The following FAM193A variants were observed in gnomAD, a reference collection of about 807,000 sequenced individuals.
FAM193A encodes family with sequence similarity 193 member A, also known as protein FAM193A.
In FAM193A, 22 loss-of-function variants were observed where a neutral mutation model predicts 126.5. The observed-to-expected ratio is 0.17, with a 90% CI of 0.12 to 0.25. FAM193A has a LOEUF of 0.25. Ranked by LOEUF, FAM193A falls within the 10% of genes least tolerant of loss-of-function variation. FAM193A has a pLI of 1.00. For synonymous variants in FAM193A, 761 were observed against 646.8 expected (o/e 1.18, Z -2.68); for missense variants, 1,675 against 1,672.8 (o/e 1.00, Z -0.02).
intron 20 of FAM193A, among the ~76,000 whole-genome samples, chr4:2,726,472 AC>A (rs1720759628): frequency 6.6e-6 from 1 of 152,040 alleles, no homozygotes; most frequent in African/African-American, 2.4e-5. Flanking sequence ...AAAAAGGGAA[AC>A]TGCCTTCTCT....
chr4:2,617,262 A>ATATATATATATAT (rs1553895173), intron 2 of FAM193A, among the ~76,000 whole-genome samples: 1 of 25,076 alleles, frequency 4.0e-5, no homozygotes, highest in Admixed American at 3.4e-4. Context: ...ATATATATAT[A>ATATATATATATAT]TTTTTTTTTT....
At chr4:2,730,402 T>G (rs1442759027) in intron 20 of FAM193A, among the ~76,000 whole-genome samples, 1 of 152,160 alleles carries the variant, frequency 6.6e-6, no homozygotes, top group Non-Finnish European at 1.5e-5. Flanking sequence ...TATAAAAGCT[T>G]CTTGGAGGCC....
intron 6 of FAM193A, 135 bp from the exon 7 acceptor site, chr4:2,646,550 G>A (rs1190337234): frequency 2.3e-6 from 2 of 875,912 alleles, no homozygotes; most frequent in Non-Finnish European, 3.5e-6. Flanking sequence ...CTGCTGTGGT[G>A]CAGAGTGGCA....
At chr4:2,645,057 T>C (rs1745000569) in intron 6 of FAM193A, among the ~76,000 whole-genome samples, 1 of 151,978 alleles carries the variant, frequency 6.6e-6, no homozygotes, top group South Asian at 2.1e-4. Flanking sequence ...TGTGTGTGTG[T>C]GTGTGAATGG....
At chr4:2,652,476 A>G (rs1745764450) in intron 7 of FAM193A, among the ~76,000 whole-genome samples, 1 of 152,226 alleles carries the variant, frequency 6.6e-6, no homozygotes, top group African/African-American at 2.4e-5. Flanking sequence ...CTGTGTAGGA[A>G]GCATGGCTGG....
chr4:2,549,936 C>G (rs1368746991), intron 1 of FAM193A, among the ~76,000 whole-genome samples: 2 of 151,470 alleles, frequency 1.3e-5, no homozygotes, highest in South Asian at 4.2e-4. Context: ...ACCATATTGG[C>G]CAGGCTGATC....
intron 2 of FAM193A, chr4:2,607,821 C>A: frequency 1.8e-6 from 1 of 567,116 alleles, no homozygotes. Context: ...TTCTTATTGA[C>A]TTGTGGGATT....
intron 19 of FAM193A, among the ~76,000 whole-genome samples, chr4:2,715,080 T>C (rs532909884): frequency 2.9e-4 from 44 of 152,234 alleles, no homozygotes; most frequent in Non-Finnish European, 5.1e-4. Context: ...TAATTCTCAA[T>C]CAATGATTTC....
rs777755872 is a variant in FAM193A, at chr4:2,660,105, A to G, written c.1745+51A>G. On this transcript the variant is annotated intron_variant, in intron 10 of 20. Coordinates refer to ENST00000637812, the MANE Select transcript of FAM193A (RefSeq NM_001366318.2). Reference sequence around the variant, plus strand: ...TTCCGAAATTTAAGTCGCCCCAGTAATGAGAAATACATACAGTAATGTCCA... The same window carrying G: ...TTCCGAAATTTAAGTCGCCCCAGTAGTGAGAAATACATACAGTAATGTCCA... 3.8e-6 allele frequency: 6 copies of G among 1,583,644 alleles called. No individual in the cohort carries two copies. In the East Asian group the frequency reaches 1.1e-4, roughly 30 times the overall value.
rs752153023 is a variant in FAM193A, at chr4:2,630,957, C to G, written c.826C>G (p.Gln276Glu). 23 of 1,606,082 alleles carry G rather than the reference C, an allele frequency of 1.4e-5. No individual in the cohort carries two copies. Among genetic ancestry groups the G allele is most frequent in the Non-Finnish European group, 2.0e-5 (23 of 1,173,848 alleles). Reference sequence around the variant, plus strand: ...CAGGCTCTGCGAGAGGGACCCCTACCAGCTGTACCAGCGTCTGGAACAGCA... The same window carrying G: ...CAGGCTCTGCGAGAGGGACCCCTACGAGCTGTACCAGCGTCTGGAACAGCA... ...VDRLCERDPY[Q>E]LYQRLEQQAR... Residue 276 changes from glutamine to glutamate, a missense_variant, in exon 5 of 21, where the codon CAG (glutamine) becomes GAG (glutamate). Coordinates refer to ENST00000637812, the MANE Select transcript of FAM193A (RefSeq NM_001366318.2).
intron 19 of FAM193A, among the ~76,000 whole-genome samples, chr4:2,714,558 C>T (rs141278369): frequency 2.7e-3 from 409 of 152,238 alleles, no homozygotes; most frequent in African/African-American, 7.7e-3. Flanking sequence ...GCTGTGTGCC[C>T]TCAGGGATAC....
At chr4:2,730,514 C>A (rs907228423) in intron 20 of FAM193A, among the ~76,000 whole-genome samples, 1 of 151,938 alleles carries the variant, frequency 6.6e-6, no homozygotes, top group East Asian at 1.9e-4. Flanking sequence ...CATGGTGAAA[C>A]CCCATCTCTA....
chr4:2,610,984 G>A (rs371138992), intron 2 of FAM193A, among the ~76,000 whole-genome samples: 26 of 152,128 alleles, frequency 1.7e-4, no homozygotes, highest in African/African-American at 6.3e-4. Context: ...TGATCCACTC[G>A]CCTCCGCCTC....
chr4:2,540,787 C>T (rs1465700002), intron 1 of FAM193A, among the ~76,000 whole-genome samples: 1 of 151,690 alleles, frequency 6.6e-6, no homozygotes, highest in African/African-American at 2.4e-5. Context: ...GTGATGAAAC[C>T]CCATCTCTAC....
intron 1 of FAM193A, among the ~76,000 whole-genome samples, chr4:2,594,814 C>CCTTTTTTTTTTTTTTTTTTTTTT (rs1740761913): frequency 1.1e-5 from 1 of 91,002 alleles, no homozygotes. Flanking sequence ...TTTTTCTTTT[C>CCTTTTTTTTTTTTTTTTTTTTTT]TTTTCCTTTT....
chr4:2,657,770 CT>C, intron 7 of FAM193A, 32 bp from the exon 8 acceptor site: 6 of 1,489,258 alleles, frequency 4.0e-6, no homozygotes, highest in Non-Finnish European at 4.6e-6. Flanking sequence ...TAAAGTTTTT[CT>C]TTTTTTTCTG....
chr4:2,560,451 C>T (rs1265641373), intron 1 of FAM193A, among the ~76,000 whole-genome samples: 2 of 152,176 alleles, frequency 1.3e-5, no homozygotes, highest in Non-Finnish European at 2.9e-5. Context: ...CTGTGGCCTG[C>T]TTGGCACATA....
At chr4:2,572,302 C>G (rs1739338624) in intron 1 of FAM193A, among the ~76,000 whole-genome samples, 1 of 148,152 alleles carries the variant, frequency 6.7e-6, no homozygotes, top group African/African-American at 2.5e-5. Flanking sequence ...GGACTGCAGC[C>G]TAGGCGACAG....
intron 1 of FAM193A, among the ~76,000 whole-genome samples, chr4:2,566,526 C>T (rs1738961512): frequency 6.6e-6 from 1 of 151,906 alleles, no homozygotes; most frequent in Non-Finnish European, 1.5e-5. Context: ...CCTGTCTCTA[C>T]TAAAAACAAA....
Sources: allele counts gnomAD v4.1 joint callset (sites outside exome capture counted in the v4.1 genomes callset), GRCh38; gene constraint gnomAD v4.1.1; transcripts MANE v1.5; gene names NCBI Gene and HGNC (gene_info 2026-07-23, HGNC 2026-07-21).